Variants in HS2ST1 observed in about 807,000 individuals in gnomAD.
HS2ST1 encodes the protein heparan sulfate 2-O-sulfotransferase 1.
In HS2ST1, 18 loss-of-function variants were observed where a neutral mutation model predicts 42.9. The observed-to-expected ratio is 0.42, with a 90% confidence interval of 0.29 to 0.62. The LOEUF is 0.62. Ranked by LOEUF, HS2ST1 falls within the 20% of genes least tolerant of loss-of-function variation. The pLI, the probability that HS2ST1 is intolerant of heterozygous loss-of-function variation, is 0.21. For missense variants in HS2ST1, 334 were observed against 433.8 expected (o/e 0.77, Z 2.04); for synonymous variants, 146 against 152.9 (o/e 0.95, Z 0.33).
At chr1:86,993,543 T>G (rs1324637103) in intron 1 of HS2ST1, among the ~76,000 whole-genome samples, 2 of 152,238 alleles carry the variant, frequency 1.3e-5, no homozygotes, top group African/African-American at 4.8e-5. Flanking sequence ...CTAGATTCTA[T>G]ATAGATAGTG....
chr1:87,051,084 ATTATT>A (rs1047474410), intron 1 of HS2ST1, among the ~76,000 whole-genome samples: 3 of 152,134 alleles, frequency 2.0e-5, no homozygotes, highest in African/African-American at 7.2e-5. Flanking sequence ...AGTATGCTAT[ATTATT>A]TTTATTAAGC....
At chr1:86,997,316 C>T (rs1181126605) in intron 1 of HS2ST1, among the ~76,000 whole-genome samples, 1 of 152,112 alleles carries the variant, frequency 6.6e-6, no homozygotes, top group African/African-American at 2.4e-5. Context: ...GGCAGGATTT[C>T]TGGAAACCCA....
intron 1 of HS2ST1, among the ~76,000 whole-genome samples, chr1:87,000,262 G>A (rs1205799092): frequency 6.6e-6 from 1 of 151,930 alleles, no homozygotes; most frequent in Non-Finnish European, 1.5e-5. Flanking sequence ...AAGCTGTATT[G>A]GATTATACAA....
intron 1 of HS2ST1, among the ~76,000 whole-genome samples, chr1:86,967,266 G>C (rs1187279212): frequency 6.6e-6 from 1 of 152,114 alleles, no homozygotes; most frequent in Non-Finnish European, 1.5e-5. Flanking sequence ...TCTTTATTAT[G>C]TAACCATTTG....
chr1:86,988,403 CTG>C (rs1218096420), intron 1 of HS2ST1, among the ~76,000 whole-genome samples: 1 of 152,248 alleles, frequency 6.6e-6, no homozygotes, highest in Non-Finnish European at 1.5e-5. Context: ...TCCAACCTGA[CTG>C]TTCCCATACA....
chr1:87,054,382 C>G (rs1650910408), intron 1 of HS2ST1, among the ~76,000 whole-genome samples: 1 of 152,124 alleles, frequency 6.6e-6, no homozygotes, highest in Non-Finnish European at 1.5e-5. Context: ...CATAGAACAA[C>G]TATCTCTAAT....
chr1:87,077,075 C>A (rs1570532831), intron 2 of HS2ST1, among the ~76,000 whole-genome samples: 1 of 152,074 alleles, frequency 6.6e-6, no homozygotes, highest in African/African-American at 2.4e-5. Context: ...CAAGATGGAG[C>A]CCAGTTTTCA....
chr1:87,104,022 C>T (rs1378105306), intron 6 of HS2ST1, among the ~76,000 whole-genome samples: 2 of 152,132 alleles, frequency 1.3e-5, no homozygotes, highest in Non-Finnish European at 2.9e-5. Context: ...TTTGCTATTG[C>T]TTGATAAGAT....
chr1:87,017,517 A>G (rs1649795709), intron 1 of HS2ST1, among the ~76,000 whole-genome samples: 1 of 152,218 alleles, frequency 6.6e-6, no homozygotes, highest in Non-Finnish European at 1.5e-5. Context: ...TTATATATAC[A>G]TAGCAAGGAG....
intron 4 of HS2ST1, among the ~76,000 whole-genome samples, chr1:87,095,777 A>G (rs1469100574): frequency 6.6e-6 from 1 of 152,112 alleles, no homozygotes; most frequent in Non-Finnish European, 1.5e-5. Flanking sequence ...ATTTACCAAT[A>G]TCAGTAAATT....
chr1:86,959,786 T>C (rs1647779904), intron 1 of HS2ST1, among the ~76,000 whole-genome samples: 1 of 151,976 alleles, frequency 6.6e-6, no homozygotes, highest in African/African-American at 2.4e-5. Flanking sequence ...ATGACAAAAA[T>C]AAAAAATCGA....
At chr1:87,070,457 C>T (rs569428486) in intron 1 of HS2ST1, among the ~76,000 whole-genome samples, 61 of 151,968 alleles carry the variant, frequency 4.0e-4, no homozygotes, top group Middle Eastern at 3.4e-3. Context: ...CAGATGTGAT[C>T]ATGTGCACCT....
chr1:86,959,519 G>T (rs1055759033), intron 1 of HS2ST1, among the ~76,000 whole-genome samples: 3 of 152,126 alleles, frequency 2.0e-5, no homozygotes, highest in Non-Finnish European at 4.4e-5. Flanking sequence ...TCAGCTGGGC[G>T]TGGTGGTGCA....
At chr1:87,104,119 G>A (rs781511518) in intron 6 of HS2ST1, among the ~76,000 whole-genome samples, 3 of 152,062 alleles carry the variant, frequency 2.0e-5, no homozygotes, top group Non-Finnish European at 4.4e-5. Context: ...TGAGAAAATA[G>A]AATACAGTTT....
At chr1:86,961,295 A>G (rs1474927132) in intron 1 of HS2ST1, among the ~76,000 whole-genome samples, 2 of 152,162 alleles carry the variant, frequency 1.3e-5, no homozygotes, top group African/African-American at 2.4e-5. Flanking sequence ...GATGTGATGA[A>G]TATTACAAAT....
At chr1:87,038,306 A>G (rs1016065967) in intron 1 of HS2ST1, among the ~76,000 whole-genome samples, 2 of 152,104 alleles carry the variant, frequency 1.3e-5, no homozygotes, top group Admixed American at 1.3e-4. Context: ...AATTATTTTA[A>G]GTACATGCCA....
In HS2ST1 at chr1:86,922,419, T is replaced by TTGTGTGTG. The variant is rs150775849; in HGVS notation, c.124+7279_124+7286dup. 5.1e-3 allele frequency among the ~76,000 whole-genome samples: 758 copies of TTGTGTGTG among 147,836 alleles called. 10 individuals are homozygous for TTGTGTGTG. The highest frequency in any genetic ancestry group is 0.018 in the African/African-American group (702 of 40,066). Reference sequence around the variant, plus strand: ...TTTACCATTCCCAGTGTTCTTCATTTTGTGTGTGTGTGTGTGTGTGTGTGT... The same window carrying TTGTGTGTG: ...TTTACCATTCCCAGTGTTCTTCATTTTGTGTGTGTGTGTGTGTGTGTGTGTGTGTGTGT... On this transcript the variant is annotated intron_variant, in intron 1 of 6. Coordinates refer to ENST00000370550, the MANE Select transcript of HS2ST1 (RefSeq NM_012262.4).
At chr1:87,045,814 T>C (rs1458044347) in intron 1 of HS2ST1, 1 of 791,872 alleles carries the variant, frequency 1.3e-6, no homozygotes, top group Admixed American at 1.8e-5. Context: ...GGGTCATCCT[T>C]ATCCCATGTG....
intron 1 of HS2ST1, among the ~76,000 whole-genome samples, chr1:86,999,102 G>A (rs1434880505): frequency 6.6e-6 from 1 of 151,916 alleles, no homozygotes; most frequent in Non-Finnish European, 1.5e-5. Flanking sequence ...GAAAGATCAA[G>A]GTATTTTAAA....
Sources: allele counts gnomAD v4.1 joint callset (sites outside exome capture counted in the v4.1 genomes callset), GRCh38; gene constraint gnomAD v4.1.1; transcripts MANE v1.5; gene names NCBI Gene and HGNC (gene_info 2026-07-23, HGNC 2026-07-21).